PROS1: variants seen among roughly 807,000 people sequenced by gnomAD.
PROS1 encodes the protein protein S, also known as vitamin K-dependent protein S.
Under a neutral mutation model 75.9 loss-of-function variants are expected in PROS1, and 29 were observed. That is an observed-to-expected ratio of 0.38 (90% CI 0.28 to 0.52). PROS1 has a LOEUF of 0.52. Ranked by LOEUF, PROS1 falls within the 20% of genes least tolerant of loss-of-function variation. The pLI is 0.83. For synonymous variants in PROS1, 245 were observed against 280.6 expected, an observed-to-expected ratio of 0.87 and a Z score of 1.27; for missense variants, 680 against 810.3, an observed-to-expected ratio of 0.84 and a Z score of 1.95.
chr3:93,937,454 G>A (rs531242278), intron 1 of PROS1, among the ~76,000 whole-genome samples: 7 of 149,110 alleles, frequency 4.7e-5, no homozygotes, highest in South Asian at 4.4e-4. Flanking sequence ...TGCAAGCTCC[G>A]CCTCCTGGGT....
chr3:93,952,106 G>T (rs1353088892), intron 1 of PROS1, among the ~76,000 whole-genome samples: 1 of 152,138 alleles, frequency 6.6e-6, no homozygotes, highest in African/African-American at 2.4e-5. Context: ...CCTAGAAAGA[G>T]ACTTAGACTC....
At chr3:93,931,862 G>T (rs1709111415) in intron 1 of PROS1, among the ~76,000 whole-genome samples, 1 of 152,206 alleles carries the variant, frequency 6.6e-6, no homozygotes, top group African/African-American at 2.4e-5. Context: ...ACTGCCATGA[G>T]CTGACTTTAA....
At chr3:93,888,467 G>A (rs1307668411) in intron 10 of PROS1, among the ~76,000 whole-genome samples, 1 of 151,582 alleles carries the variant, frequency 6.6e-6, no homozygotes, top group Non-Finnish European at 1.5e-5. Context: ...GTTTTGATTG[G>A]GTATATGTGA....
At chr3:93,947,522 C>G (rs1027542098) in intron 1 of PROS1, among the ~76,000 whole-genome samples, 2 of 152,012 alleles carry the variant, frequency 1.3e-5, no homozygotes, top group Non-Finnish European at 2.9e-5. Context: ...CAAATTTCAT[C>G]TCACTTAAAG....
intron 6 of PROS1, among the ~76,000 whole-genome samples, chr3:93,903,552 C>G (rs1708629283): frequency 6.6e-6 from 1 of 152,006 alleles, no homozygotes; most frequent in African/African-American, 2.4e-5. Flanking sequence ...CACCTGTAGT[C>G]CCAGCTACTT....
chr3:93,922,373 C>T (rs778806997), intron 3 of PROS1, among the ~76,000 whole-genome samples: 1 of 152,146 alleles, frequency 6.6e-6, no homozygotes, highest in Non-Finnish European at 1.5e-5. Context: ...AACACTCACT[C>T]TATTAGGTGA....
Position 93,900,737 on chromosome 3 carries a change from T to C in PROS1, c.727+67A>G, listed in dbSNP as rs1227492605. ...TTGATGTCAAACAAAGCCAATGCTT[T>C]TAAATATCAGTTCAGGGTTCACACC... On this transcript the variant is annotated intron_variant, in intron 7 of 14. Transcript: ENST00000394236. The C allele has an allele frequency of 6.2e-6, 10 of 1,600,736 alleles. 1 individual carries two copies. The highest frequency in any genetic ancestry group is 8.5e-6 in the Non-Finnish European group (10 of 1,171,018).
At chr3:93,919,663 C>A (rs1708916489) in intron 3 of PROS1, among the ~76,000 whole-genome samples, 2 of 152,040 alleles carry the variant, frequency 1.3e-5, no homozygotes, top group Non-Finnish European at 1.5e-5. Flanking sequence ...AATTTTCCCC[C>A]ATGTCATCAG....
intron 1 of PROS1, among the ~76,000 whole-genome samples, chr3:93,971,564 A>C (rs2107275645): frequency 6.6e-6 from 1 of 151,256 alleles, no homozygotes; most frequent in Non-Finnish European, 1.5e-5. Flanking sequence ...CCTGGAGTTC[A>C]AGACCAGCCT....
At chr3:93,917,499 G>C (rs1708874874) in intron 3 of PROS1, among the ~76,000 whole-genome samples, 1 of 152,194 alleles carries the variant, frequency 6.6e-6, no homozygotes, top group South Asian at 2.1e-4. Context: ...TTCTGCCTGG[G>C]CTCCCACTTT....
chr3:93,969,551 G>A (rs1367053771), intron 1 of PROS1, among the ~76,000 whole-genome samples: 1 of 152,170 alleles, frequency 6.6e-6, no homozygotes, highest in Non-Finnish European at 1.5e-5. Context: ...GGCCTCCTAG[G>A]AATTTGAGCT....
chr3:93,941,625 A>T (rs1352837211), intron 1 of PROS1, among the ~76,000 whole-genome samples: 1 of 152,076 alleles, frequency 6.6e-6, no homozygotes, highest in East Asian at 1.9e-4. Flanking sequence ...GCTCTCCCTG[A>T]CTCATCCCAA....
chr3:93,889,112 C>A (rs1187426131), intron 10 of PROS1, among the ~76,000 whole-genome samples: 2 of 152,128 alleles, frequency 1.3e-5, no homozygotes, highest in African/African-American at 4.8e-5. Flanking sequence ...ATGACATGTG[C>A]TCTCAAGTCT....
intron 1 of PROS1, among the ~76,000 whole-genome samples, chr3:93,937,362 G>T (rs1709199842): frequency 7.9e-6 from 1 of 126,444 alleles, no homozygotes; most frequent in Non-Finnish European, 1.6e-5. Flanking sequence ...TCTAAGTCAT[G>T]AGTTGATTTT....
intron 1 of PROS1, among the ~76,000 whole-genome samples, chr3:93,951,751 T>C (rs1283423879): frequency 6.6e-6 from 1 of 152,156 alleles, no homozygotes; most frequent in Non-Finnish European, 1.5e-5. Flanking sequence ...TAAATGCAAA[T>C]GGGCTAAATG....
intron 12 of PROS1, among the ~76,000 whole-genome samples, chr3:93,882,868 TCTC>T (rs1423131374): frequency 1.3e-5 from 2 of 151,992 alleles, no homozygotes; most frequent in East Asian, 1.9e-4. Context: ...TCCTTCTCGG[TCTC>T]CTCTACACAA....
chr3:93,900,448 G>T (rs1408264178), intron 7 of PROS1, among the ~76,000 whole-genome samples: 4 of 152,146 alleles, frequency 2.6e-5, no homozygotes, highest in Non-Finnish European at 5.9e-5. Flanking sequence ...TTTTAAGCTT[G>T]TGTCTTTCTT....
intron 1 of PROS1, among the ~76,000 whole-genome samples, chr3:93,942,137 C>G (rs1020594042): frequency 2.0e-5 from 3 of 152,118 alleles, no homozygotes; most frequent in Non-Finnish European, 4.4e-5. Flanking sequence ...GCCAAATCAC[C>G]ACTCACCAGC....
intron 6 of PROS1, among the ~76,000 whole-genome samples, chr3:93,905,525 A>C (rs150394969): frequency 6.6e-6 from 1 of 152,188 alleles, no homozygotes; most frequent in African/African-American, 2.4e-5. Context: ...GGATCAATTA[A>C]GCTCGGGAGG....
Sources: allele counts gnomAD v4.1 joint callset (sites outside exome capture counted in the v4.1 genomes callset), GRCh38; gene constraint gnomAD v4.1.1; transcripts MANE v1.5; gene names NCBI Gene and HGNC (gene_info 2026-07-23, HGNC 2026-07-21).